SCAPER: variants seen among roughly 807,000 people sequenced by gnomAD.
SCAPER encodes S phase cyclin A-associated protein in the endoplasmic reticulum.
In SCAPER, 98 loss-of-function variants were observed where a neutral mutation model predicts 182.2. The ratio of observed to expected loss-of-function variants is 0.54; its 90% CI spans 0.46 to 0.64. The LOEUF (loss-of-function observed/expected upper bound fraction) is 0.64. SCAPER is among the 30% of genes least tolerant of loss of function. The pLI, the probability that SCAPER is intolerant of heterozygous loss-of-function variation, is 0.00. For synonymous variants in SCAPER, 605 were observed against 564.6 expected (o/e 1.07, Z -1.01); for missense variants, 1,432 against 1,690.0 (o/e 0.85, Z 2.68).
intron 4 of SCAPER, among the ~76,000 whole-genome samples, chr15:76,843,445 T>G (rs2069684486): frequency 2.0e-5 from 3 of 152,192 alleles, no homozygotes; most frequent in African/African-American, 7.2e-5. Flanking sequence ...GTTAAAAGAA[T>G]GACAGAACTG....
chr15:76,806,303 C>T (rs1568196746), intron 5 of SCAPER, among the ~76,000 whole-genome samples: 3 of 152,076 alleles, frequency 2.0e-5, no homozygotes, highest in South Asian at 4.1e-4. Flanking sequence ...CTATTCTTTC[C>T]CTCATTAAAT....
chr15:76,621,763 CT>C lies in SCAPER; in HGVS notation c.2711del (p.Lys904SerfsTer5). ...NSGSDSPYKA[K>X]LQRLAKDLLK... ...GGAGAACTAAAATGTGGAATACTCA[CT>C]TTGCTTTATAAGGTGAATCAGAGCC... is the stretch of plus-strand genomic sequence containing the variant. On this transcript the variant is annotated frameshift_variant and splice_region_variant, in exon 22 of 32. Transcript: ENST00000563290. LOFTEE classifies it high-confidence loss of function. 1 of 1,604,442 alleles carries C rather than the reference CT, an allele frequency of 6.2e-7. No homozygotes were observed. Among genetic ancestry groups the C allele is most frequent in the Admixed American group, 1.7e-5 (1 of 58,854 alleles).
rs746891532 is a variant in SCAPER, at chr15:76,813,227, TAAAAA to T, written c.394-8599_394-8595del. On this transcript the variant is annotated intron_variant, in intron 5 of 31. Coordinates refer to ENST00000563290, the MANE Select transcript of SCAPER (RefSeq NM_020843.4). ...CAGACAGAGTTCAATATCCTTTCACTAAAAAAAAAAAAAAAAAAAAAAAAAAAACA... is the reference window on the plus strand; with the variant it reads ...CAGACAGAGTTCAATATCCTTTCACTAAAAAAAAAAAAAAAAAAAAAAACA... Among the ~76,000 whole-genome samples, 48 of 17,268 alleles carry T rather than the reference TAAAAA, an allele frequency of 2.8e-3. 1 individual carries two copies. In the South Asian group the frequency reaches 0.065, roughly 23 times the overall value. The allele number at this position is 17,268 out of a possible 152,430, so 11.3% of individuals were successfully genotyped here. A position where few individuals can be genotyped will look rare whatever the true frequency, so the allele number is the denominator to read the frequency against.
chr15:76,625,008 C>T (rs954677153), intron 21 of SCAPER, among the ~76,000 whole-genome samples: 17 of 152,120 alleles, frequency 1.1e-4, no homozygotes, highest in African/African-American at 4.1e-4. Context: ...GGTGGATGAA[C>T]CCCCACGGTG....
intron 15 of SCAPER, among the ~76,000 whole-genome samples, chr15:76,735,641 G>A (rs2061211705): frequency 6.7e-6 from 1 of 148,160 alleles, no homozygotes; most frequent in Non-Finnish European, 1.5e-5. Context: ...GATGGAGGTT[G>A]CAGTGAGCCA....
At chr15:76,523,925 A>G (rs1279641308) in intron 23 of SCAPER, among the ~76,000 whole-genome samples, 1 of 152,090 alleles carries the variant, frequency 6.6e-6, no homozygotes, top group Admixed American at 6.6e-5. Context: ...GTTTTTTCAT[A>G]CACACCATGA....
At chr15:76,860,886 T>A (rs891174786) in intron 3 of SCAPER, among the ~76,000 whole-genome samples, 1 of 152,118 alleles carries the variant, frequency 6.6e-6, no homozygotes, top group Non-Finnish European at 1.5e-5. Context: ...GGAAACATGA[T>A]TAGAACATGT....
chr15:76,492,298 G>A (rs1338293919), intron 24 of SCAPER, among the ~76,000 whole-genome samples: 1 of 152,108 alleles, frequency 6.6e-6, no homozygotes, highest in Non-Finnish European at 1.5e-5. Flanking sequence ...ACAGTATCAG[G>A]CATATGTCCT....
intron 23 of SCAPER, among the ~76,000 whole-genome samples, chr15:76,535,617 T>A (rs1275913803): frequency 2.0e-5 from 3 of 151,736 alleles, no homozygotes; most frequent in Non-Finnish European, 2.9e-5. Context: ...CCACAAACAT[T>A]TATGGAAAAT....
intron 14 of SCAPER, among the ~76,000 whole-genome samples, chr15:76,755,164 G>A (rs992368163): frequency 6.6e-6 from 1 of 152,118 alleles, no homozygotes; most frequent in Non-Finnish European, 1.5e-5. Flanking sequence ...AACACAGTAA[G>A]AGAAGAACTG....
At chr15:76,422,432 G>T (rs1403722179) in intron 26 of SCAPER, among the ~76,000 whole-genome samples, 2 of 152,124 alleles carry the variant, frequency 1.3e-5, no homozygotes, top group Non-Finnish European at 2.9e-5. Context: ...TCTGTTACTG[G>T]AGTATAAGAA....
chr15:76,512,991 TCGGGA>T (rs1316649121), intron 23 of SCAPER, among the ~76,000 whole-genome samples: 3 of 152,044 alleles, frequency 2.0e-5, no homozygotes, highest in Admixed American at 6.6e-5. Context: ...ACAAGCCACC[TCGGGA>T]CTCTCTTCCA....
At chr15:76,538,538 G>C (rs202134484) in intron 23 of SCAPER, among the ~76,000 whole-genome samples, 1 of 151,886 alleles carries the variant, frequency 6.6e-6, no homozygotes, top group East Asian at 1.9e-4. Flanking sequence ...GACACAGGAA[G>C]GGGAACATCA....
intron 10 of SCAPER, among the ~76,000 whole-genome samples, chr15:76,770,003 A>G (rs1413943658): frequency 6.6e-6 from 1 of 152,156 alleles, no homozygotes; most frequent in African/African-American, 2.4e-5. Flanking sequence ...GCACATATAT[A>G]CCAGGGAATA....
At chr15:76,641,751 G>C (rs1431368890) in intron 21 of SCAPER, among the ~76,000 whole-genome samples, 1 of 152,112 alleles carries the variant, frequency 6.6e-6, no homozygotes, top group African/African-American at 2.4e-5. Flanking sequence ...TTTGCATTTG[G>C]TAACACCATA....
chr15:76,742,596 A>T (rs1344488063), intron 15 of SCAPER, among the ~76,000 whole-genome samples: 1 of 152,018 alleles, frequency 6.6e-6, no homozygotes, highest in East Asian at 1.9e-4. Flanking sequence ...TAGACTATTA[A>T]ATAATGGACT....
intron 22 of SCAPER, among the ~76,000 whole-genome samples, chr15:76,595,146 A>T (rs1211604899): frequency 8.2e-6 from 1 of 121,652 alleles, no homozygotes; most frequent in African/African-American, 2.5e-5. Flanking sequence ...CATGAAGCAA[A>T]TGAAAAGCAA....
At chr15:76,875,943 C>T (rs2073118411) in intron 2 of SCAPER, among the ~76,000 whole-genome samples, 1 of 152,208 alleles carries the variant, frequency 6.6e-6, no homozygotes, top group Non-Finnish European at 1.5e-5. Flanking sequence ...CAGGCTCAGG[C>T]ATGGCGGGCT....
At chr15:76,696,902 A>G (rs941966848) in intron 20 of SCAPER, among the ~76,000 whole-genome samples, 1 of 152,216 alleles carries the variant, frequency 6.6e-6, no homozygotes, top group African/African-American at 2.4e-5. Flanking sequence ...CTCAAGAAAC[A>G]GTAGAAAAAT....
Sources: gnomAD v4.1 joint callset for allele counts (sites outside exome capture counted in the v4.1 genomes callset) on GRCh38, gnomAD v4.1.1 for gene constraint, MANE v1.5 for transcripts, NCBI Gene and HGNC (gene_info 2026-07-23, HGNC 2026-07-21) for gene names.